PTPRT: variants seen among roughly 807,000 people sequenced by gnomAD.
PTPRT encodes the protein protein tyrosine phosphatase receptor type T, also known as receptor-type tyrosine-protein phosphatase T.
A neutral mutation model predicts 176.8 loss-of-function variants in PTPRT; 56 were observed. That is an observed-to-expected ratio of 0.32 (90% confidence interval 0.26 to 0.40). PTPRT has a LOEUF of 0.40. PTPRT is among the 10% of genes least tolerant of loss of function. PTPRT has a pLI of 1.00. For synonymous variants in PTPRT, 783 were observed against 739.0 expected (o/e 1.06, Z -0.96); for missense variants, 1,540 against 1,908.2 (o/e 0.81, Z 3.60).
chr20:42,382,029 A>C (rs1353659472), intron 9 of PTPRT, among the ~76,000 whole-genome samples: 1 of 152,216 alleles, frequency 6.6e-6, no homozygotes, highest in Non-Finnish European at 1.5e-5. Flanking sequence ...AGATTCCATA[A>C]TACATTGCTA....
At chr20:42,251,540 GTAAA>G (rs1252363591) in intron 13 of PTPRT, among the ~76,000 whole-genome samples, 1 of 151,948 alleles carries the variant, frequency 6.6e-6, no homozygotes, top group Non-Finnish European at 1.5e-5. Context: ...CATGGCACTT[GTAAA>G]TAGATACTTG....
intron 1 of PTPRT, among the ~76,000 whole-genome samples, chr20:43,180,952 T>C (rs2015242991): frequency 6.6e-6 from 1 of 152,154 alleles, no homozygotes; most frequent in Non-Finnish European, 1.5e-5. Flanking sequence ...TGATGTGATG[T>C]CCCTTCCCAA....
rs559474979 is a variant in PTPRT, at chr20:43,105,100, G to A, written c.88+84546C>T. On this transcript the variant is annotated intron_variant, in intron 1 of 30. Coordinates refer to ENST00000373187, the MANE Select transcript of PTPRT (RefSeq NM_007050.6). ...CTGGAAACACATCCAGATGGACAGG[G>A]GAAGGTAGAGTGTAAGCAAGGTCAT... Among the ~76,000 whole-genome samples, 3 of 152,212 alleles carry A rather than the reference G, an allele frequency of 2.0e-5. No individual in the cohort carries two copies. In the East Asian group the frequency reaches 5.8e-4, roughly 29 times the overall value.
At chr20:43,086,964 A>C (rs1010633510) in intron 1 of PTPRT, among the ~76,000 whole-genome samples, 4 of 152,222 alleles carry the variant, frequency 2.6e-5, no homozygotes, top group Non-Finnish European at 1.5e-5. Flanking sequence ...AGTTCTATGA[A>C]TCTTGACAAA....
At chr20:42,050,753 C>T in the PTPRT span, among the ~76,000 whole-genome samples, 6 of 152,190 alleles carry the variant, frequency 3.9e-5, no homozygotes, top group Admixed American at 6.5e-5. Flanking sequence ...ATCACGGAGG[C>T]GGGTGAGGAG....
chr20:42,048,444 A>G, the PTPRT span, among the ~76,000 whole-genome samples: 3 of 152,286 alleles, frequency 2.0e-5, no homozygotes, highest in Admixed American at 1.3e-4. Context: ...GCTTGGTCAT[A>G]AGAGGTGATA....
chr20:42,906,831 A>T (rs375080756), intron 1 of PTPRT, among the ~76,000 whole-genome samples: 43 of 152,292 alleles, frequency 2.8e-4, no homozygotes, highest in African/African-American at 1.0e-3. Context: ...AATGCAAATG[A>T]CAGACTACCT....
At chr20:42,409,818 G>T (rs12625295) in intron 9 of PTPRT, among the ~76,000 whole-genome samples, 14,857 of 152,206 alleles carry the variant, frequency 0.098, 973 homozygotes, top group East Asian at 0.24. Flanking sequence ...GTTACTTAAT[G>T]TCTATAGCTG....
intron 9 of PTPRT, among the ~76,000 whole-genome samples, chr20:42,354,557 C>T (rs1197642386): frequency 6.6e-6 from 1 of 152,200 alleles, no homozygotes; most frequent in Non-Finnish European, 1.5e-5. Flanking sequence ...CACAGTGTTT[C>T]CTGTGTACTC....
At chr20:42,035,432 T>TA in the PTPRT span, among the ~76,000 whole-genome samples, 3 of 152,110 alleles carry the variant, frequency 2.0e-5, no homozygotes, top group Non-Finnish European at 4.4e-5. Context: ...TGGTCAGTCT[T>TA]ACCATGGGAA....
intron 9 of PTPRT, among the ~76,000 whole-genome samples, chr20:42,393,574 T>C (rs955596940): frequency 4.6e-5 from 7 of 152,186 alleles, no homozygotes; most frequent in African/African-American, 1.7e-4. Flanking sequence ...CATTTCTCAA[T>C]AACACACAAG....
chr20:42,877,016 G>A (rs190547374), intron 2 of PTPRT, among the ~76,000 whole-genome samples: 5 of 152,322 alleles, frequency 3.3e-5, no homozygotes, highest in African/African-American at 7.2e-5. Flanking sequence ...ACAAAGGCAC[G>A]ACAGTGTGAC....
intron 1 of PTPRT, among the ~76,000 whole-genome samples, chr20:43,001,785 G>A (rs1984570841): frequency 6.6e-6 from 1 of 152,072 alleles, no homozygotes; most frequent in African/African-American, 2.4e-5. Flanking sequence ...ATTGACAAAT[G>A]GCACAATCCA....
intron 9 of PTPRT, among the ~76,000 whole-genome samples, chr20:42,383,761 A>T (rs2058717832): frequency 6.6e-6 from 1 of 152,210 alleles, no homozygotes; most frequent in Non-Finnish European, 1.5e-5. Flanking sequence ...TCTTGAATTT[A>T]GTTCTAGATG....
rs556371358 is a variant in PTPRT, at chr20:42,076,671, C to A, written c.*4208G>T. ...TCAATTCTAGGGTCAAGCTGAAGAC[C>A]AGCTGACCTAGGGTCCGTCATAGCG... On this transcript the variant is annotated 3_prime_UTR_variant, in exon 31 of 31. Transcript: ENST00000373187. 21 of 198,482 alleles carry A rather than the reference C, an allele frequency of 1.1e-4. No individual in the cohort carries two copies. Among genetic ancestry groups the A allele is most frequent in the Non-Finnish European group, 1.6e-4 (15 of 96,156 alleles). 12.3% of individuals were successfully genotyped at this position (198,482 alleles called of 1,614,324 possible).
At chr20:42,489,002 C>A (rs1261196838) in intron 7 of PTPRT, among the ~76,000 whole-genome samples, 5 of 118,758 alleles carry the variant, frequency 4.2e-5, no homozygotes, top group Non-Finnish European at 8.7e-5. Context: ...ATAAAATCAA[C>A]CAAGTTTGTG....
chr20:42,431,015 T>C (rs958507232), intron 9 of PTPRT, among the ~76,000 whole-genome samples: 2 of 152,190 alleles, frequency 1.3e-5, no homozygotes, highest in Non-Finnish European at 2.9e-5. Flanking sequence ...AGTAATTTCA[T>C]GTTCGTGTGT....
intron 7 of PTPRT, among the ~76,000 whole-genome samples, chr20:42,629,225 C>T (rs547471202): frequency 1.5e-4 from 23 of 150,896 alleles, no homozygotes; most frequent in African/African-American, 5.6e-4. Flanking sequence ...ATTATAGAGA[C>T]GAGTGTTGAT....
intron 7 of PTPRT, among the ~76,000 whole-genome samples, chr20:42,663,903 T>C (rs900448095): frequency 1.3e-5 from 2 of 152,216 alleles, no homozygotes; most frequent in Non-Finnish European, 2.9e-5. Context: ...TCCAAGTCTT[T>C]GTCCTTATAA....
Sources: allele counts gnomAD v4.1 joint callset (sites outside exome capture counted in the v4.1 genomes callset), GRCh38; gene constraint gnomAD v4.1.1; transcripts MANE v1.5; gene names NCBI Gene and HGNC (gene_info 2026-07-23, HGNC 2026-07-21).